The following TP63 variants were observed in gnomAD, a reference collection of about 807,000 sequenced individuals.
TP63 encodes the protein tumor protein p63, also known as tumor protein 63.
TP63 carries 17 observed loss-of-function variants against 82.8 expected under a neutral mutation model. The ratio of observed to expected loss-of-function variants is 0.21; its 90% CI spans 0.14 to 0.31. The LOEUF (loss-of-function observed/expected upper bound fraction) is 0.31, where lower values mean the gene tolerates loss of function less well. Among genes scored for constraint, TP63 ranks in the 10% least tolerant of loss-of-function variants. TP63 has a pLI of 1.00. For synonymous variants in TP63, 330 were observed against 321.7 expected, an observed-to-expected ratio of 1.03 and a Z score of -0.28; for missense variants, 648 against 895.3, an observed-to-expected ratio of 0.72 and a Z score of 3.52.
At chr3:189,828,313 G>A (rs769949695) in intron 4 of TP63, among the ~76,000 whole-genome samples, 29 of 151,736 alleles carry the variant, frequency 1.9e-4, no homozygotes, top group Non-Finnish European at 7.4e-5. Flanking sequence ...GGAGGTGAGT[G>A]TGGGGTTTGG....
At chr3:189,891,485 G>A (rs1424254300) in intron 13 of TP63, among the ~76,000 whole-genome samples, 1 of 152,126 alleles carries the variant, frequency 6.6e-6, no homozygotes, top group South Asian at 2.1e-4. Context: ...TCCTAATAGA[G>A]CCCAGCCATT....
chr3:189,814,613 A>G (rs1727958453), intron 4 of TP63, among the ~76,000 whole-genome samples: 2 of 152,236 alleles, frequency 1.3e-5, no homozygotes, highest in East Asian at 1.9e-4. Context: ...CTTAGTTCAC[A>G]GAGTATTGAG....
At chr3:189,630,122 C>T (rs947712099), upstream of TP63, among the ~76,000 whole-genome samples, 1 of 152,148 alleles carries the variant, frequency 6.6e-6, no homozygotes, top group Non-Finnish European at 1.5e-5. Context: ...TTATGAAACA[C>T]ATTTTGAGTT....
chr3:189,632,363 A>C (rs149960719), intron 1 of TP63, among the ~76,000 whole-genome samples: 1 of 152,234 alleles, frequency 6.6e-6, no homozygotes, highest in East Asian at 1.9e-4. Context: ...GTGAGGTTAC[A>C]AAGGGTTAAC....
In TP63 at chr3:189,886,474, C is replaced by A; in HGVS notation, c.1430C>A (p.Ser477Tyr). 6.2e-7 allele frequency: 1 copy of A among 1,614,180 alleles called. No homozygotes were observed. Among genetic ancestry groups the A allele is most frequent in the Non-Finnish European group, 8.5e-7 (1 of 1,180,020 alleles). The change falls in exon 11 of 14, where the codon TCT becomes TAT. Residue 477 changes from serine (S) to tyrosine (Y), a missense_variant. Physicochemically the swap from Ser to Tyr is moderately radical, Grantham distance 144. Around this residue, in one of 5 missense-constraint regions of TP63, gnomAD observed 342 missense variants for 425.7 expected, o/e 0.80. Coordinates refer to ENST00000264731, the MANE Select transcript of TP63 (RefSeq NM_003722.5). ...NKMNSMNKLP[S>Y]VSQLINPQQR... ...ATGAACAGCATGAACAAGCTGCCTTCTGTGAGCCAGCTTATCAACCCTCAG... is the reference window on the plus strand; with the variant it reads ...ATGAACAGCATGAACAAGCTGCCTTATGTGAGCCAGCTTATCAACCCTCAG...
chr3:189,730,440 T>A (rs1720079860), intron 1 of TP63, among the ~76,000 whole-genome samples: 1 of 152,214 alleles, frequency 6.6e-6, no homozygotes. Context: ...AAAAGAAATA[T>A]TCCTCTTAAC....
At chr3:189,605,832 T>C in the TP63 span, among the ~76,000 whole-genome samples, 3 of 152,180 alleles carry the variant, frequency 2.0e-5, no homozygotes, top group Non-Finnish European at 4.4e-5. Context: ...CTAAGAGATA[T>C]GATGGAATAT....
rs548352369 is a variant in TP63 at position 189,720,736 on chromosome 3, GAAAAAA to G, written c.63-16988_63-16983del. Among the ~76,000 whole-genome samples, 128 of 120,900 alleles carry G rather than the reference GAAAAAA, an allele frequency of 1.1e-3. 1 individual carries two copies. Among genetic ancestry groups the G allele is most frequent in the Admixed American group, 1.7e-3 (19 of 11,148 alleles). The allele number at this position is 120,900 out of a possible 152,430, so 79.3% of individuals were successfully genotyped here. On this transcript the variant is annotated intron_variant, in intron 1 of 13. Transcript: ENST00000264731. ...GCAACAAGAGTGAAACTCCGTCTCA[GAAAAAA>G]AAAAAAAAAAAAAAAGAAGAAGACT... is the stretch of plus-strand genomic sequence containing the variant.
intron 12 of TP63, among the ~76,000 whole-genome samples, chr3:189,890,543 C>T (rs1049484571): frequency 1.3e-5 from 2 of 152,148 alleles, no homozygotes. Context: ...CCACAGATCA[C>T]CATATGATAA....
intron 3 of TP63, among the ~76,000 whole-genome samples, chr3:189,807,368 G>A (rs1356040376): frequency 6.6e-6 from 1 of 152,210 alleles, no homozygotes; most frequent in Non-Finnish European, 1.5e-5. Flanking sequence ...GTTTTTTGTA[G>A]AGTAAATGAG....
At chr3:189,760,004 A>AT (rs1285195893) in intron 3 of TP63, among the ~76,000 whole-genome samples, 1 of 152,186 alleles carries the variant, frequency 6.6e-6, no homozygotes, top group African/African-American at 2.4e-5. Context: ...AGATCTTATG[A>AT]GACCCATTCA....
chr3:189,603,144 A>T, the TP63 span, among the ~76,000 whole-genome samples: 2 of 152,168 alleles, frequency 1.3e-5, no homozygotes, highest in African/African-American at 4.8e-5. Context: ...ATATAGTGGG[A>T]CAGGCAAACG....
At chr3:189,714,398 C>A (rs1718808252) in intron 1 of TP63, among the ~76,000 whole-genome samples, 1 of 152,098 alleles carries the variant, frequency 6.6e-6, no homozygotes, top group Non-Finnish European at 1.5e-5. Flanking sequence ...TGCCTAAGAA[C>A]AGAATATAAC....
intron 4 of TP63, among the ~76,000 whole-genome samples, chr3:189,816,832 T>C (rs11720810): frequency 0.57 from 86,720 of 151,624 alleles, 25,636 homozygotes; most frequent in Admixed American, 0.71. Flanking sequence ...TTTTTAGTAA[T>C]GATCATGACC....
chr3:189,628,868 G>A (rs2108598812), upstream of TP63, among the ~76,000 whole-genome samples: 1 of 152,160 alleles, frequency 6.6e-6, no homozygotes, highest in East Asian at 1.9e-4. Context: ...ATTCTAGAGA[G>A]TTTGCCTCTT....
chr3:189,895,134 G>T lies in TP63; in HGVS notation c.*632G>T, dbSNP rs1721375374. The stretch of plus-strand genomic sequence containing the variant: ...TCCATTTCCATTGCTTATTATGTAG[G>T]TAAGACTGTAGATATGTATTCTTTT... On this transcript the variant is annotated 3_prime_UTR_variant, in exon 14 of 14. Transcript: ENST00000264731. 1 of 220,758 alleles carries T rather than the reference G, an allele frequency of 4.5e-6. No individual in the cohort carries two copies. Among genetic ancestry groups the T allele is most frequent in the African/African-American group, 2.2e-5 (1 of 44,584 alleles). 13.7% of individuals were successfully genotyped at this position (220,758 alleles called of 1,614,324 possible). A position where few individuals can be genotyped will look rare whatever the true frequency, so the allele number is the denominator to read the frequency against.
At chr3:189,633,783 CA>C (rs1382031556) in intron 1 of TP63, among the ~76,000 whole-genome samples, 4 of 152,000 alleles carry the variant, frequency 2.6e-5, no homozygotes, top group Non-Finnish European at 4.4e-5. Context: ...GCTTAACCAG[CA>C]AAAACATTAA....
intron 4 of TP63, among the ~76,000 whole-genome samples, chr3:189,824,547 T>C (rs947425201): frequency 6.6e-6 from 1 of 152,070 alleles, no homozygotes. Flanking sequence ...CTTTTCCAAT[T>C]AGGCTGTGCC....
intron 10 of TP63, among the ~76,000 whole-genome samples, chr3:189,875,605 T>TATATATATACAC (rs1399182495): frequency 1.0e-4 from 6 of 58,694 alleles, no homozygotes; most frequent in African/African-American, 3.7e-4. Flanking sequence ...TATATATATA[T>TATATATATACAC]ATATATATAT....
Sources: allele counts gnomAD v4.1 joint callset (sites outside exome capture counted in the v4.1 genomes callset), GRCh38; gene constraint gnomAD v4.1.1; regional missense constraint gnomAD v4.1.1; transcripts MANE v1.5; gene names NCBI Gene and HGNC (gene_info 2026-07-23, HGNC 2026-07-21).